The following CSMD1 variants were observed in gnomAD, a reference collection of about 807,000 sequenced individuals.
The protein encoded by CSMD1 is CUB and Sushi multiple domains 1, also known as CUB and sushi domain-containing protein 1.
CSMD1 carries 213 observed loss-of-function variants against 417.5 expected under a neutral mutation model. That is an observed-to-expected ratio of 0.51 (90% CI 0.46 to 0.57). CSMD1 has a LOEUF of 0.57. Among genes scored for constraint, CSMD1 ranks in the 20% least tolerant of loss-of-function variants. CSMD1 has a pLI of 0.00. For missense variants in CSMD1, 6,923 were observed against 4,529.7 expected, an observed-to-expected ratio of 1.53 and a Z score of -15.17; for synonymous variants, 2,862 against 1,736.8, an observed-to-expected ratio of 1.65 and a Z score of -16.11.
chr8:3,798,804 T>A (rs1800302989), intron 5 of CSMD1, among the ~76,000 whole-genome samples: 1 of 152,090 alleles, frequency 6.6e-6, no homozygotes, highest in South Asian at 2.1e-4. Context: ...CATCTGTTTA[T>A]AAATTCGTGT....
intron 5 of CSMD1, among the ~76,000 whole-genome samples, chr8:3,876,459 G>A (rs28410630): frequency 0.2 from 30,703 of 152,084 alleles, 3,353 homozygotes; most frequent in African/African-American, 0.29. Flanking sequence ...CCTGTCTCTT[G>A]TTGGAGAGTC....
At chr8:3,428,362 A>G (rs142701925) in intron 12 of CSMD1, among the ~76,000 whole-genome samples, 1 of 152,308 alleles carries the variant, frequency 6.6e-6, no homozygotes, top group East Asian at 1.9e-4. Flanking sequence ...AGCTTATGCC[A>G]ATATTCAAAT....
At chr8:4,856,945 C>G (rs980817727) in intron 1 of CSMD1, among the ~76,000 whole-genome samples, 1 of 152,092 alleles carries the variant, frequency 6.6e-6, no homozygotes, top group East Asian at 1.9e-4. Context: ...CTCTCCACCC[C>G]AAATCAACAG....
chr8:4,922,207 T>C (rs953877098), intron 1 of CSMD1, among the ~76,000 whole-genome samples: 3 of 152,054 alleles, frequency 2.0e-5, no homozygotes, highest in Non-Finnish European at 2.9e-5. Flanking sequence ...TGCGTGCATG[T>C]CTGTCTGTGT....
intron 3 of CSMD1, among the ~76,000 whole-genome samples, chr8:4,367,734 T>C (rs113672044): frequency 1.1e-4 from 16 of 152,340 alleles, no homozygotes; most frequent in African/African-American, 3.8e-4. Context: ...CTCTGATTTC[T>C]TTCAGCAGTG....
chr8:4,575,044 T>G (rs1309539552), intron 2 of CSMD1, among the ~76,000 whole-genome samples: 1 of 152,196 alleles, frequency 6.6e-6, no homozygotes, highest in Non-Finnish European at 1.5e-5. Flanking sequence ...AAACCAGGTT[T>G]TTTAAAAGTA....
At chr8:4,049,384 G>C (rs1798307539) in intron 3 of CSMD1, among the ~76,000 whole-genome samples, 2 of 151,720 alleles carry the variant, frequency 1.3e-5, no homozygotes, top group Admixed American at 6.6e-5. Flanking sequence ...AATCTCTGCA[G>C]ACATTGCCAA....
At chr8:3,262,184 AATATATAT>A (rs201972449) in intron 26 of CSMD1, among the ~76,000 whole-genome samples, 1,001 of 63,106 alleles carry the variant, frequency 0.016, 6 homozygotes, top group South Asian at 0.031. Flanking sequence ...TGCTCATATG[AATATATAT>A]ATATATATAT....
intron 23 of CSMD1, among the ~76,000 whole-genome samples, chr8:3,342,562 G>A (rs1336448154): frequency 6.6e-6 from 1 of 152,094 alleles, no homozygotes; most frequent in Non-Finnish European, 1.5e-5. Flanking sequence ...TGCTGAAAGT[G>A]GCAGTTATCA....
At chr8:4,505,799 G>A (rs569321586) in intron 2 of CSMD1, among the ~76,000 whole-genome samples, 2 of 151,326 alleles carry the variant, frequency 1.3e-5, no homozygotes, top group African/African-American at 2.4e-5. Context: ...CCACACTCAT[G>A]TTCAATATTT....
chr8:3,333,012 G>C (rs933920516), intron 23 of CSMD1, among the ~76,000 whole-genome samples: 3 of 152,166 alleles, frequency 2.0e-5, no homozygotes, highest in Admixed American at 6.5e-5. Flanking sequence ...CATGAGGTGA[G>C]GGCTCCCCAT....
chr8:4,475,601 T>C (rs1259014471), intron 2 of CSMD1, among the ~76,000 whole-genome samples: 1 of 152,012 alleles, frequency 6.6e-6, no homozygotes, highest in African/African-American at 2.4e-5. Context: ...TCTTAGGGTT[T>C]TTTTTCTTTT....
intron 8 of CSMD1, among the ~76,000 whole-genome samples, chr8:3,592,867 G>C (rs2469360): frequency 0.83 from 125,944 of 152,114 alleles, 52,368 homozygotes; most frequent in African/African-American, 0.88. Context: ...TGTGATGGTA[G>C]GTTCTCCCAC....
chr8:3,683,092 T>C (rs2117619777), intron 7 of CSMD1, among the ~76,000 whole-genome samples: 1 of 152,250 alleles, frequency 6.6e-6, no homozygotes, highest in African/African-American at 2.4e-5. Flanking sequence ...ATATACCTAA[T>C]GCTAAATGAC....
intron 30 of CSMD1, among the ~76,000 whole-genome samples, chr8:3,211,742 C>T (rs1004822481): frequency 6.6e-6 from 1 of 152,220 alleles, no homozygotes. Flanking sequence ...ACAAGCCCGG[C>T]CCTGCCCGCA....
intron 61 of CSMD1, 51 bp from the exon 62 acceptor site, chr8:2,961,265 G>T: frequency 8.3e-7 from 1 of 1,199,584 alleles, no homozygotes; most frequent in Non-Finnish European, 1.2e-6. Flanking sequence ...TAGTTATTGT[G>T]AGAATTTTAA....
At chr8:4,538,642 C>CA (rs920389486) in intron 2 of CSMD1, among the ~76,000 whole-genome samples, 25 of 149,376 alleles carry the variant, frequency 1.7e-4, no homozygotes, top group African/African-American at 3.4e-4. Flanking sequence ...GACTCCATCT[C>CA]AAAAAAAAAT....
chr8:3,208,081 T>A lies in CSMD1; in HGVS notation c.4868-2461A>T, dbSNP rs111840956. Among the ~76,000 whole-genome samples, 489 of 152,282 alleles carry A rather than the reference T, an allele frequency of 3.2e-3. 5 individuals carry two copies. The highest frequency in any genetic ancestry group is 0.011 in the African/African-American group (457 of 41,572). On this transcript the variant is annotated intron_variant, in intron 30 of 69. Coordinates refer to ENST00000635120, the MANE Select transcript of CSMD1 (RefSeq NM_033225.6). ...TTCAAGTTCAAGTTTTTAAAAAACTTAGCACAAATAAAGATTGAAAATATA... is the reference window on the plus strand; with the variant it reads ...TTCAAGTTCAAGTTTTTAAAAAACTAAGCACAAATAAAGATTGAAAATATA...
chr8:3,281,935 T>C (rs542318600), intron 26 of CSMD1, among the ~76,000 whole-genome samples: 3 of 152,218 alleles, frequency 2.0e-5, no homozygotes, highest in Non-Finnish European at 2.9e-5. Flanking sequence ...TCTGATTGTT[T>C]AAAAGCACGT....
Sources: gnomAD v4.1 joint callset for allele counts (sites outside exome capture counted in the v4.1 genomes callset) on GRCh38, gnomAD v4.1.1 for gene constraint, MANE v1.5 for transcripts, NCBI Gene and HGNC (gene_info 2026-07-23, HGNC 2026-07-21) for gene names.